MRPL13: variants seen among roughly 807,000 people sequenced by gnomAD.
MRPL13 encodes mitochondrial ribosomal protein L13.
A neutral mutation model predicts 29.0 loss-of-function variants in MRPL13; 33 were observed. The observed-to-expected ratio is 1.14, with a 90% CI of 0.86 to 1.52. The LOEUF (loss-of-function observed/expected upper bound fraction) is 1.52, where lower values mean the gene tolerates loss of function less well. Ranked by LOEUF, MRPL13 falls within the 40% of genes most tolerant of loss-of-function variation. The pLI, the probability that MRPL13 is intolerant of heterozygous loss-of-function variation, is 0.00. For synonymous variants in MRPL13, 77 were observed against 68.4 expected, an observed-to-expected ratio of 1.13 and a Z score of -0.62; for missense variants, 227 against 216.7, an observed-to-expected ratio of 1.05 and a Z score of -0.30.
intron 2 of MRPL13, among the ~76,000 whole-genome samples, chr8:120,434,889 G>C (rs1255198296): frequency 6.6e-6 from 1 of 152,088 alleles, no homozygotes; most frequent in African/African-American, 2.4e-5. Context: ...TCTAGCATTT[G>C]TATAATTTTT....
intron 6 of MRPL13, among the ~76,000 whole-genome samples, chr8:120,410,229 CT>C (rs749366224): frequency 6.6e-6 from 1 of 152,130 alleles, no homozygotes; most frequent in East Asian, 1.9e-4. Context: ...TGGCTATATA[CT>C]TGTGGCGCAA....
Position 120,395,934 on chromosome 8 carries a change from A to C in MRPL13, c.*170T>G. 1.9e-6 allele frequency: 1 copy of C among 533,258 alleles called. No individual in the cohort carries two copies. Among genetic ancestry groups the C allele is most frequent in the Non-Finnish European group, 3.4e-6 (1 of 296,518 alleles). 33.0% of individuals were successfully genotyped at this position (533,258 alleles called of 1,614,324 possible). A position where few individuals can be genotyped will look rare whatever the true frequency, so the allele number is the denominator to read the frequency against. On this transcript the variant is annotated 3_prime_UTR_variant, in exon 7 of 7. Transcript: ENST00000306185. Reference sequence around the variant, plus strand: ...GGTTCTATAAAATTATATTTTAATTACAATTTCCTATTGAAGGACTATACC... The same window carrying C: ...GGTTCTATAAAATTATATTTTAATTCCAATTTCCTATTGAAGGACTATACC...
intron 5 of MRPL13, among the ~76,000 whole-genome samples, chr8:120,416,476 A>G (rs983174182): frequency 6.6e-6 from 1 of 152,232 alleles, no homozygotes; most frequent in African/African-American, 2.4e-5. Flanking sequence ...CCTGGGTGAC[A>G]GAGCGAGACT....
At chr8:120,397,561 G>C (rs1291528421) in intron 6 of MRPL13, among the ~76,000 whole-genome samples, 1 of 152,190 alleles carries the variant, frequency 6.6e-6, no homozygotes, top group East Asian at 1.9e-4. Context: ...ACTGGACAAG[G>C]AGGAGTCGCC....
At chr8:120,423,051 A>G (rs1812891698) in intron 4 of MRPL13, among the ~76,000 whole-genome samples, 1 of 152,090 alleles carries the variant, frequency 6.6e-6, no homozygotes, top group Non-Finnish European at 1.5e-5. Flanking sequence ...AGTGAACCAA[A>G]ACATGATAAA....
chr8:120,416,943 T>C (rs1272411353), intron 5 of MRPL13, among the ~76,000 whole-genome samples: 2 of 152,234 alleles, frequency 1.3e-5, no homozygotes, highest in East Asian at 1.9e-4. Context: ...TATTGTCATA[T>C]GTAACTTTTC....
chr8:120,395,654 T>C lies in MRPL13; in HGVS notation c.*450A>G, dbSNP rs1270317219. ...ACTTTACCCTACTAAGCTGCAAATA[T>C]GAATTTAGATGGATGACAAGTTAGA... is the stretch of plus-strand genomic sequence containing the variant. On this transcript the variant is annotated 3_prime_UTR_variant, in exon 7 of 7. Transcript: ENST00000306185. 1.9e-5 allele frequency: 3 copies of C among 154,454 alleles called. No individual in the cohort carries two copies. Among genetic ancestry groups the C allele is most frequent in the Non-Finnish European group, 2.9e-5 (2 of 69,794 alleles). The allele number at this position is 154,454 out of a possible 1,614,324, so 9.6% of individuals were successfully genotyped here.
Position 120,395,850 on chromosome 8 carries a change from AC to A in MRPL13, c.*253del, listed in dbSNP as rs1324298987. The A allele has an allele frequency of 8.4e-6, 3 of 356,772 alleles. No individual in the cohort carries two copies. The highest frequency in any genetic ancestry group is 1.5e-5 in the Non-Finnish European group (3 of 199,060). 22.1% of individuals were successfully genotyped at this position (356,772 alleles called of 1,614,324 possible). ...CATTAAATGCAACACTAAATAGTCA[AC>A]CAAGTAAGTGATTTTATTATTATCA... is the stretch of plus-strand genomic sequence containing the variant. On this transcript the variant is annotated 3_prime_UTR_variant, in exon 7 of 7. Coordinates refer to ENST00000306185, the MANE Select transcript of MRPL13 (RefSeq NM_014078.6).
At chr8:120,438,884 A>G (rs1385919883) in intron 2 of MRPL13, among the ~76,000 whole-genome samples, 3 of 152,252 alleles carry the variant, frequency 2.0e-5, no homozygotes, top group Non-Finnish European at 4.4e-5. Flanking sequence ...ACAACTCTAT[A>G]AATCGGTAAT....
At chr8:120,422,157 C>T (rs1812880436) in intron 4 of MRPL13, among the ~76,000 whole-genome samples, 1 of 151,620 alleles carries the variant, frequency 6.6e-6, no homozygotes, top group Non-Finnish European at 1.5e-5. Flanking sequence ...TATCCTTCCC[C>T]CCAACCTTAC....
At chr8:120,440,600 C>G (rs1342152700) in intron 2 of MRPL13, among the ~76,000 whole-genome samples, 2 of 136,264 alleles carry the variant, frequency 1.5e-5, no homozygotes, top group African/African-American at 5.7e-5. Flanking sequence ...GTGAGACTCT[C>G]TCTCTCTCAA....
At chr8:120,440,749 AAGTC>A (rs1223681738) in intron 2 of MRPL13, among the ~76,000 whole-genome samples, 2 of 151,804 alleles carry the variant, frequency 1.3e-5, no homozygotes, top group South Asian at 2.1e-4. Flanking sequence ...AAAGGAAAGA[AAGTC>A]AGAAAGGTAA....
intron 3 of MRPL13, among the ~76,000 whole-genome samples, chr8:120,426,644 T>C (rs374199686): frequency 3.9e-5 from 6 of 152,148 alleles, no homozygotes; most frequent in African/African-American, 1.2e-4. Flanking sequence ...ATGTAAAATT[T>C]TGAGTGGAGG....
intron 6 of MRPL13, among the ~76,000 whole-genome samples, chr8:120,408,447 T>C (rs1052746042): frequency 3.9e-5 from 6 of 152,242 alleles, no homozygotes; most frequent in South Asian, 2.1e-4. Context: ...CAGCTTAGAA[T>C]GCCTAATTTG....
chr8:120,436,052 C>G (rs1035486572), intron 2 of MRPL13, among the ~76,000 whole-genome samples: 1 of 151,954 alleles, frequency 6.6e-6, no homozygotes, highest in Non-Finnish European at 1.5e-5. Context: ...AGTTGAAAAG[C>G]CAGACAATAA....
intron 3 of MRPL13, among the ~76,000 whole-genome samples, chr8:120,430,456 A>G (rs761650790): frequency 1.1e-4 from 16 of 152,166 alleles, no homozygotes; most frequent in Non-Finnish European, 1.9e-4. Context: ...TTGAATATGT[A>G]ATTGTAATAC....
At chr8:120,444,802 C>G (rs1178277958) in intron 1 of MRPL13, 1 of 553,196 alleles carries the variant, frequency 1.8e-6, no homozygotes, top group African/African-American at 1.9e-5. Flanking sequence ...ACCTTATTAC[C>G]TCTCCGATCT....
chr8:120,400,294 A>G (rs1462984732), intron 6 of MRPL13, among the ~76,000 whole-genome samples: 1 of 152,222 alleles, frequency 6.6e-6, no homozygotes, highest in Non-Finnish European at 1.5e-5. Context: ...TCACAGTGCA[A>G]TCAAATTAGA....
intron 2 of MRPL13, among the ~76,000 whole-genome samples, chr8:120,437,137 T>C (rs560725883): frequency 6.6e-6 from 1 of 152,312 alleles, no homozygotes; most frequent in East Asian, 1.9e-4. Context: ...TGAGGTGAAG[T>C]ATAAATGTAC....
Sources: gnomAD v4.1 joint callset for allele counts (sites outside exome capture counted in the v4.1 genomes callset) on GRCh38, gnomAD v4.1.1 for gene constraint, MANE v1.5 for transcripts, NCBI Gene and HGNC (gene_info 2026-07-23, HGNC 2026-07-21) for gene names.